EPHA6: variants seen among roughly 807,000 people sequenced by gnomAD.
EPHA6 encodes the protein ephrin type-A receptor 6.
A neutral mutation model predicts 112.0 loss-of-function variants in EPHA6; 50 were observed. That is an observed-to-expected ratio of 0.45 (90% CI 0.36 to 0.56). The LOEUF (loss-of-function observed/expected upper bound fraction) is 0.56, where lower values mean the gene tolerates loss of function less well. EPHA6 is among the 20% of genes least tolerant of loss of function. EPHA6 has a pLI of 0.00. For synonymous variants in EPHA6, 529 were observed against 490.7 expected (o/e 1.08, Z -1.03); for missense variants, 1,280 against 1,417.4 (o/e 0.90, Z 1.56).
intron 10 of EPHA6, among the ~76,000 whole-genome samples, chr3:97,527,178 G>A (rs889115619): frequency 2.0e-5 from 3 of 152,170 alleles, no homozygotes; most frequent in Non-Finnish European, 2.9e-5. Context: ...CAGCCCTTTG[G>A]TGGATGCTTT....
At chr3:97,101,024 G>C (rs189953863) in intron 3 of EPHA6, among the ~76,000 whole-genome samples, 1 of 151,930 alleles carries the variant, frequency 6.6e-6, no homozygotes, top group African/African-American at 2.4e-5. Context: ...AATGTAAAAC[G>C]ACTTTATAAT....
intron 3 of EPHA6, among the ~76,000 whole-genome samples, chr3:97,145,327 A>G (rs1197161470): frequency 6.6e-6 from 1 of 151,318 alleles, no homozygotes; most frequent in African/African-American, 2.4e-5. Flanking sequence ...TTTTGTATAT[A>G]TTCTATACTT....
intron 3 of EPHA6, among the ~76,000 whole-genome samples, chr3:97,040,595 C>T (rs187024146): frequency 6.6e-6 from 1 of 152,118 alleles, no homozygotes; most frequent in Admixed American, 6.6e-5. Flanking sequence ...ATTATTTCAA[C>T]TCTCTTTCTC....
intron 2 of EPHA6, among the ~76,000 whole-genome samples, chr3:96,945,683 A>G (rs2041218538): frequency 6.6e-6 from 1 of 152,194 alleles, no homozygotes; most frequent in African/African-American, 2.4e-5. Context: ...ACAGATTTAC[A>G]TTATAATTAA....
chr3:96,948,833 A>T (rs2041402303), intron 2 of EPHA6, among the ~76,000 whole-genome samples: 1 of 152,192 alleles, frequency 6.6e-6, no homozygotes, highest in Admixed American at 6.5e-5. Flanking sequence ...GAATTGGAAT[A>T]AGGTACAAAA....
chr3:97,044,991 CTT>C (rs947330847), intron 3 of EPHA6, among the ~76,000 whole-genome samples: 10 of 151,868 alleles, frequency 6.6e-5, no homozygotes, highest in African/African-American at 2.4e-4. Flanking sequence ...TAGAAGAAAA[CTT>C]TATTGTGAAG....
At chr3:97,034,064 A>T (rs1444330326) in intron 3 of EPHA6, among the ~76,000 whole-genome samples, 1 of 151,966 alleles carries the variant, frequency 6.6e-6, no homozygotes, top group East Asian at 1.9e-4. Context: ...GTGTCACATT[A>T]TAAAATATAT....
intron 3 of EPHA6, among the ~76,000 whole-genome samples, chr3:97,101,541 G>A (rs756376625): frequency 5.9e-5 from 9 of 151,964 alleles, no homozygotes; most frequent in Non-Finnish European, 1.0e-4. Flanking sequence ...ATGCCCATTT[G>A]GAGTTCCTGT....
chr3:96,883,154 T>A (rs2037423308), intron 2 of EPHA6, among the ~76,000 whole-genome samples: 1 of 152,208 alleles, frequency 6.6e-6, no homozygotes, highest in Non-Finnish European at 1.5e-5. Context: ...ATTGTGGTTT[T>A]GGTTTAAATT....
intron 3 of EPHA6, among the ~76,000 whole-genome samples, chr3:97,203,531 A>G (rs2077633679): frequency 6.6e-6 from 1 of 152,152 alleles, no homozygotes; most frequent in Non-Finnish European, 1.5e-5. Context: ...TAGGTAGTGC[A>G]GATTATAATA....
chr3:97,745,467 A>G (rs2035673030), intron 16 of EPHA6: 3 of 425,104 alleles, frequency 7.1e-6, no homozygotes, highest in African/African-American at 2.1e-5. Flanking sequence ...CAGCCTCCAA[A>G]TAGGAAATGC....
intron 2 of EPHA6, among the ~76,000 whole-genome samples, chr3:96,966,425 C>A (rs957361305): frequency 6.6e-6 from 1 of 151,938 alleles, no homozygotes; most frequent in Non-Finnish European, 1.5e-5. Context: ...AGCCAAGAGA[C>A]GATGACTTAA....
intron 1 of EPHA6, among the ~76,000 whole-genome samples, chr3:96,828,271 A>G (rs2033795796): frequency 6.6e-6 from 1 of 152,140 alleles, no homozygotes; most frequent in Admixed American, 6.6e-5. Context: ...TTTTATTCCC[A>G]TCTGATACTA....
intron 5 of EPHA6, among the ~76,000 whole-genome samples, chr3:97,354,712 A>G (rs1369700069): frequency 1.3e-5 from 2 of 152,284 alleles, no homozygotes; most frequent in East Asian, 1.9e-4. Context: ...ATAATGGAGA[A>G]CTTTCCAAAC....
intron 5 of EPHA6, among the ~76,000 whole-genome samples, chr3:97,255,970 TAGA>T (rs1182817888): frequency 6.6e-6 from 1 of 152,106 alleles, no homozygotes; most frequent in Non-Finnish European, 1.5e-5. Context: ...ATTTTCAAAA[TAGA>T]AGAAGAATAC....
chr3:97,499,777 G>T (rs1049233069), intron 10 of EPHA6, among the ~76,000 whole-genome samples: 1 of 152,130 alleles, frequency 6.6e-6, no homozygotes, highest in Non-Finnish European at 1.5e-5. Flanking sequence ...TATCGTGAAT[G>T]AAGCTTGAAG....
rs78475596 is a variant in EPHA6 at position 97,527,426 on chromosome 3, T to G, written c.2201-4932T>G. On this transcript the variant is annotated intron_variant, in intron 10 of 17. Transcript: ENST00000389672. ...GAATGGGTGCAGAATTATTTTTTTT[T>G]TGTGGAGTAATACAAGTGCGTGACC... is the stretch of plus-strand genomic sequence containing the variant. Among the ~76,000 whole-genome samples, 134 of 152,222 alleles carry G rather than the reference T, an allele frequency of 8.8e-4. 3 individuals are homozygous for G. The East Asian group carries it at 0.014, about 16-fold the overall frequency.
chr3:97,183,581 C>A (rs2077046406), intron 3 of EPHA6, among the ~76,000 whole-genome samples: 1 of 152,018 alleles, frequency 6.6e-6, no homozygotes, highest in Non-Finnish European at 1.5e-5. Flanking sequence ...ATAGTTTATT[C>A]TAGGTAGATT....
At position 97,747,407 on chromosome 3, in the gene EPHA6, T is replaced by C; in HGVS notation, c.3129-16T>C. 6.6e-7 allele frequency: 1 copy of C among 1,514,726 alleles called. No individual in the cohort carries two copies. 93.8% of individuals were successfully genotyped at this position (1,514,726 alleles called of 1,614,324 possible). ...TAAATGCTCTCCATGTTTTGTTTTG[T>C]TTTGTTTTCTTACAGAATGCCAGAG... On this transcript the variant is annotated splice_polypyrimidine_tract_variant and intron_variant, in intron 16 of 17. Transcript: ENST00000389672.
Sources: allele counts gnomAD v4.1 joint callset (sites outside exome capture counted in the v4.1 genomes callset), GRCh38; gene constraint gnomAD v4.1.1; transcripts MANE v1.5; gene names NCBI Gene and HGNC (gene_info 2026-07-23, HGNC 2026-07-21).